The following NBPF8 variants were observed in gnomAD, a reference collection of about 807,000 sequenced individuals.
NBPF8 encodes the protein NBPF family member NBPF8.
chr1:120,452,862 G>A (rs1441368650), intron 13 of NBPF8, among the ~76,000 whole-genome samples: 3 of 152,172 alleles, frequency 2.0e-5, no homozygotes, highest in Admixed American at 1.3e-4. Flanking sequence ...TTTATGTGGG[G>A]GCGTTTTGTG....
At chr1:120,433,336 G>T (rs1660938706), upstream of NBPF8, 1 of 152,640 alleles carries the variant, frequency 6.6e-6, no homozygotes, top group Admixed American at 6.5e-5. Context: ...AATGGTGTCA[G>T]TATTCATAAA....
intron 15 of NBPF8, among the ~76,000 whole-genome samples, 159 bp from the exon 14 acceptor site, chr1:120,455,250 T>G (rs1490445852): frequency 6.6e-6 from 1 of 152,170 alleles, no homozygotes; most frequent in African/African-American, 2.4e-5. Flanking sequence ...CATCTAATTC[T>G]CACCAAAGTT....
At chr1:120,415,407 G>A (rs1699852), upstream of NBPF8, among the ~76,000 whole-genome samples, 73,326 of 151,136 alleles carry the variant, frequency 0.49, 19,525 homozygotes, top group African/African-American at 0.69. Flanking sequence ...TTGGGAGGGC[G>A]TGTGTTCCGG....
intron 18 of NBPF8, among the ~76,000 whole-genome samples, chr1:120,461,016 C>CTGTGTGTGTGTGTGTGTG (rs202089337): frequency 6.9e-5 from 9 of 131,204 alleles, no homozygotes; most frequent in African/African-American, 2.0e-4. Context: ...TGAGCTCGAA[C>CTGTGTGTGTGTGTGTGTG]TGTGTGTGTG....
upstream of NBPF8, among the ~76,000 whole-genome samples, chr1:120,434,310 T>C (rs1189290269): frequency 1.4e-5 from 2 of 147,674 alleles, no homozygotes; most frequent in Non-Finnish European, 3.0e-5. Context: ...TACACGTATG[T>C]ATATACACGT....
chr1:120,431,236 CACAT>C (rs1262985666), intron 3 of NBPF8, among the ~76,000 whole-genome samples: 4 of 118,130 alleles, frequency 3.4e-5, no homozygotes, highest in Non-Finnish European at 5.1e-5. Flanking sequence ...TATGTATACA[CACAT>C]ACACACACAA....
rs1448131866 is a variant in NBPF8 at position 120,465,383 on chromosome 1, C to T, written n.3568+12C>T. The T allele has an allele frequency of 6.7e-6, 4 of 600,900 alleles. No individual in the cohort carries two copies. The East Asian group carries it at 1.0e-4, about 15-fold the overall frequency. The allele number at this position is 600,900 out of a possible 1,614,324, so 37.2% of individuals were successfully genotyped here. On this transcript the variant is annotated intron_variant and non_coding_transcript_variant, in intron 24 of 24. Transcript: ENST00000583271. ...CCACCATGCCCCAGGTAACTTTCAG[C>T]AATTGTGGATGCTTAATTCTGTGTT...
At chr1:120,456,362 G>C (rs1318106497) in intron 16 of NBPF8, among the ~76,000 whole-genome samples, 1 of 149,460 alleles carries the variant, frequency 6.7e-6, no homozygotes, top group Non-Finnish European at 1.5e-5. Context: ...ATTGACACTG[G>C]GGTGTTAAAG....
chr1:120,450,572 A>T (rs1361465957), intron 11 of NBPF8, among the ~76,000 whole-genome samples: 16 of 152,212 alleles, frequency 1.1e-4, no homozygotes, highest in Non-Finnish European at 7.3e-5. Context: ...ACTATCTATT[A>T]GTTCTTCATT....
At chr1:120,416,678 T>C (rs1477966147), upstream of NBPF8, among the ~76,000 whole-genome samples, 1 of 83,414 alleles carries the variant, frequency 1.2e-5, no homozygotes, top group South Asian at 3.4e-4. Context: ...GATCAAGAAA[T>C]AGAACATTAC....
chr1:120,425,476 A>G (rs1660697504), intron 1 of NBPF8, among the ~76,000 whole-genome samples: 1 of 151,966 alleles, frequency 6.6e-6, no homozygotes, highest in Admixed American at 6.5e-5. Flanking sequence ...TTACCTGCTG[A>G]TCTTGTCTCC....
chr1:120,427,254 CAT>C (rs1305587323), intron 2 of NBPF8, among the ~76,000 whole-genome samples: 55 of 150,244 alleles, frequency 3.7e-4, no homozygotes, highest in Non-Finnish European at 6.8e-4. Flanking sequence ...ATTTTCTGGA[CAT>C]ATGTTTTAAT....
upstream of NBPF8, chr1:120,432,951 G>T (rs1246004957): frequency 2.0e-5 from 3 of 151,956 alleles, no homozygotes; most frequent in African/African-American, 7.3e-5. Context: ...GCAATTAGCA[G>T]CTAGAAAATG....
rs1471808610 is a variant in NBPF8, at chr1:120,429,085, A to G, written n.510+1238A>G. Among the ~76,000 whole-genome samples the G allele has an allele frequency of 1.1e-4, 16 of 152,264 alleles. No homozygotes were observed. The South Asian group carries it at 2.1e-3, about 20-fold the overall frequency. Reference sequence around the variant, plus strand: ...CCACTTGGGGCTTGTCCCTTCTAGAATGCATCCCTGGCTCCCCTGTGTGCA... The same window carrying G: ...CCACTTGGGGCTTGTCCCTTCTAGAGTGCATCCCTGGCTCCCCTGTGTGCA... On this transcript the variant is annotated intron_variant and non_coding_transcript_variant, in intron 3 of 28. Coordinates refer to the NBPF8 transcript ENST00000652355.
intron 3 of NBPF8, among the ~76,000 whole-genome samples, chr1:120,428,368 C>G (rs1660780484): frequency 1.3e-5 from 2 of 152,120 alleles, no homozygotes; most frequent in Non-Finnish European, 2.9e-5. Flanking sequence ...ACCAGAGTCA[C>G]AGAATATCAG....
chr1:120,420,633 G>T (rs1351494637), intron 1 of NBPF8, among the ~76,000 whole-genome samples: 2 of 147,786 alleles, frequency 1.4e-5, no homozygotes, highest in Non-Finnish European at 3.0e-5. Context: ...TCAGTTGCCA[G>T]TATAATGGGT....
intron 15 of NBPF8, 120 bp from the exon 14 acceptor site, chr1:120,455,289 C>T (rs1325883578): frequency 1.1e-5 from 7 of 648,190 alleles, no homozygotes; most frequent in Non-Finnish European, 1.6e-5. Context: ...ATATTCCTGT[C>T]AGAATCCTTA....
chr1:120,420,228 C>T (rs1414804033), intron 1 of NBPF8, among the ~76,000 whole-genome samples, 110 bp downstream of exon 2: 1 of 151,950 alleles, frequency 6.6e-6, no homozygotes, highest in Non-Finnish European at 1.5e-5. Flanking sequence ...CAGGGCCTTG[C>T]CTGGCATGAA....
intron 15 of NBPF8, among the ~76,000 whole-genome samples, chr1:120,455,141 G>T (rs1661400813): frequency 6.6e-6 from 1 of 151,052 alleles, no homozygotes. Flanking sequence ...AGATTTTTTT[G>T]GGGAAAAAAT....
Sources: allele counts gnomAD v4.1 joint callset (sites outside exome capture counted in the v4.1 genomes callset), GRCh38; gene constraint gnomAD v4.1.1; transcripts MANE v1.5; gene names NCBI Gene and HGNC (gene_info 2026-07-23, HGNC 2026-07-21).